Variants in NTRK1 observed in about 807,000 individuals in gnomAD.
NTRK1 encodes high affinity nerve growth factor receptor.
Under a neutral mutation model 86.8 loss-of-function variants are expected in NTRK1, and 62 were observed. The ratio of observed to expected loss-of-function variants is 0.71; its 90% CI spans 0.58 to 0.88. The LOEUF is 0.88. NTRK1 is among the 40% of genes least tolerant of loss of function. NTRK1 has a pLI of 0.00. For synonymous variants in NTRK1, 469 were observed against 456.6 expected, an observed-to-expected ratio of 1.03 and a Z score of -0.35; for missense variants, 967 against 1,078.4, an observed-to-expected ratio of 0.90 and a Z score of 1.45.
rs912465299 is a variant in NTRK1, at chr1:156,864,443, G to A, written c.287+15G>A. 6.2e-7 allele frequency: 1 copy of A among 1,612,952 alleles called. No homozygotes were observed. Among genetic ancestry groups the A allele is most frequent in the Non-Finnish European group, 8.5e-7 (1 of 1,179,012 alleles). ...CTGAGAAACCTGTGAGGGAAACGGGGACTGTGGGTGTGGAGCTCAGCATGG... is the reference window on the plus strand; with the variant it reads ...CTGAGAAACCTGTGAGGGAAACGGGAACTGTGGGTGTGGAGCTCAGCATGG... On this transcript the variant is annotated intron_variant, in intron 2 of 16. Coordinates refer to ENST00000524377, the MANE Select transcript of NTRK1 (RefSeq NM_002529.4).
intron 2 of NTRK1, chr1:156,853,771 G>A (rs1481153772): frequency 6.2e-7 from 1 of 1,601,892 alleles, no homozygotes; most frequent in Admixed American, 1.7e-5. Context: ...AGTGGCTGGA[G>A]GTCCAGCATC....
chr1:156,846,074 G>C, intron 2 of NTRK1: 1 of 1,611,672 alleles, frequency 6.2e-7, no homozygotes, highest in Admixed American at 1.7e-5. Context: ...CAGGAGGTGG[G>C]AGGAGGAGTT....
At chr1:156,874,814 G>C (rs2102911390) in intron 10 of NTRK1, 92 bp from the exon 11 acceptor site, 3 of 1,204,522 alleles carry the variant, frequency 2.5e-6, no homozygotes, top group Non-Finnish European at 2.5e-6. Flanking sequence ...CTGGCTCCGG[G>C]CTCCCATGCA....
intron 1 of NTRK1, chr1:156,840,923 A>T (rs1255082347): frequency 1.2e-6 from 2 of 1,614,020 alleles, no homozygotes; most frequent in Non-Finnish European, 1.7e-6. Flanking sequence ...GGAGTGGGTG[A>T]GGAGTCAGGC....
intron 1 of NTRK1, among the ~76,000 whole-genome samples, chr1:156,832,429 C>G (rs1446500921): frequency 6.6e-6 from 1 of 152,080 alleles, no homozygotes; most frequent in East Asian, 1.9e-4. Flanking sequence ...TCTATTCTGC[C>G]TAGGATGAGA....
Position 156,864,769 on chromosome 1 carries a change from C to T in NTRK1, c.329C>T (p.Ala110Val). The change falls in exon 3 of 17, where the codon GCC (alanine) becomes GTC (valine). Residue 110 changes from alanine to valine, a missense_variant. This residue lies in a region of NTRK1 where 330 missense variants were observed against 302.0 expected (regional missense o/e 1.09). Coordinates refer to ENST00000524377, the MANE Select transcript of NTRK1 (RefSeq NM_002529.4). ...GGTCTCCGTTTCGTGGCGCCAGATG[C>T]CTTCCATTTCACTCCTCGGCTCAGT... ...KSGLRFVAPD[A>V]FHFTPRLSRL... The T allele has an allele frequency of 1.9e-6, 3 of 1,614,056 alleles. No individual in the cohort carries two copies. Among genetic ancestry groups the T allele is most frequent in the Middle Eastern group, 1.6e-4 (1 of 6,062 alleles).
intron 1 of NTRK1, chr1:156,816,790 T>C: frequency 7.6e-7 from 1 of 1,324,038 alleles, no homozygotes; most frequent in Non-Finnish European, 1.0e-6. Flanking sequence ...ACTCATCATC[T>C]CTCCTCTCAC....
At chr1:156,871,554 A>T (rs1647552142) in intron 6 of NTRK1, 69 bp from the exon 7 acceptor site, 3 of 1,583,246 alleles carry the variant, frequency 1.9e-6, no homozygotes, top group Non-Finnish European at 2.6e-6. Flanking sequence ...GGGGCTCTCC[A>T]AAGACTTCAG....
chr1:156,857,977 T>G (rs961258068), upstream of NTRK1, among the ~76,000 whole-genome samples: 2 of 152,046 alleles, frequency 1.3e-5, no homozygotes, highest in African/African-American at 4.8e-5. Context: ...GGACAGGCCC[T>G]GGGGTGTTGA....
intron 2 of NTRK1, 69 bp downstream of exon 2, chr1:156,864,497 G>A (rs1237077264): frequency 2.0e-6 from 3 of 1,523,220 alleles, no homozygotes; most frequent in Non-Finnish European, 2.7e-6. Context: ...GGTCAGGGAG[G>A]GCTCAAGCAT....
chr1:156,845,935 G>A (rs762915390), intron 2 of NTRK1: 2 of 1,607,952 alleles, frequency 1.2e-6, no homozygotes, highest in East Asian at 2.2e-5. Flanking sequence ...GCCGGCCTGC[G>A]CGTCGTCCCT....
At chr1:156,834,193 G>A (rs896611049) in intron 1 of NTRK1, among the ~76,000 whole-genome samples, 18 of 152,120 alleles carry the variant, frequency 1.2e-4, no homozygotes, top group African/African-American at 3.6e-4. Context: ...AGGGCATCAC[G>A]GGGAAGCCAC....
At chr1:156,860,792 G>T (rs948753040), upstream of NTRK1, 79 of 1,329,748 alleles carry the variant, frequency 5.9e-5, no homozygotes, top group Non-Finnish European at 6.9e-5. Flanking sequence ...GCAAGGCGGG[G>T]CCGGGCGGGG....
chr1:156,829,270 G>A (rs1654402860), intron 1 of NTRK1, among the ~76,000 whole-genome samples: 1 of 152,180 alleles, frequency 6.6e-6, no homozygotes, highest in African/African-American at 2.4e-5. Flanking sequence ...TAGGGAGAGT[G>A]TCTCAACAGG....
chr1:156,873,491 C>G (rs2102904134), intron 7 of NTRK1, 142 bp from the exon 8 acceptor site: 1 of 676,948 alleles, frequency 1.5e-6, no homozygotes, highest in Non-Finnish European at 2.6e-6. Flanking sequence ...TGGTGAATTT[C>G]CCAGGGCCTG....
intron 1 of NTRK1, among the ~76,000 whole-genome samples, chr1:156,861,628 T>C (rs1265428996): frequency 6.6e-6 from 1 of 152,226 alleles, no homozygotes; most frequent in Non-Finnish European, 1.5e-5. Flanking sequence ...GGGATTGAGC[T>C]GGCTGGCATT....
chr1:156,844,815 C>CTCCCA, intron 2 of NTRK1: 1 of 1,614,106 alleles, frequency 6.2e-7, no homozygotes, highest in Non-Finnish European at 8.5e-7. Context: ...CCTCCCAGGC[C>CTCCCA]ACCTTTCCTG....
At chr1:156,867,004 A>T in intron 4 of NTRK1, 26 bp downstream of exon 4, 1 of 1,612,282 alleles carries the variant, frequency 6.2e-7, no homozygotes. Flanking sequence ...TCCAGGGGCA[A>T]GAGCACCAAG....
intron 1 of NTRK1, chr1:156,840,331 G>C (rs1654723983): frequency 6.2e-6 from 1 of 161,298 alleles, no homozygotes; most frequent in South Asian, 1.8e-4. Flanking sequence ...GGCAGGCTGG[G>C]AACCACTCCC....
Sources: allele counts gnomAD v4.1 joint callset (sites outside exome capture counted in the v4.1 genomes callset), GRCh38; gene constraint gnomAD v4.1.1; regional missense constraint gnomAD v4.1.1; transcripts MANE v1.5; gene names NCBI Gene and HGNC (gene_info 2026-07-23, HGNC 2026-07-21).